C2orf49: variants seen among roughly 807,000 people sequenced by gnomAD.
C2orf49 encodes the protein tRNA splicing ligase complex subunit 2, also known as tRNA-splicing ligase complex subunit ASW.
Under a neutral mutation model 20.6 loss-of-function variants are expected in C2orf49, and 11 were observed. The observed-to-expected ratio is 0.53, with a 90% CI of 0.34 to 0.88. C2orf49 has a LOEUF of 0.88. Among genes scored for constraint, C2orf49 ranks in the 40% least tolerant of loss-of-function variants. The probability of loss-of-function intolerance (pLI) is 0.02; values close to 1 mark genes in which losing one functional copy is unlikely to be tolerated. For missense variants in C2orf49, 289 were observed against 274.2 expected, an observed-to-expected ratio of 1.05 and a Z score of -0.38; for synonymous variants, 134 against 108.5, an observed-to-expected ratio of 1.24 and a Z score of -1.46.
chr2:105,385,228 C>T, the C2orf49 span, among the ~76,000 whole-genome samples: 2 of 152,174 alleles, frequency 1.3e-5, no homozygotes, highest in Non-Finnish European at 2.9e-5. Flanking sequence ...TCTTTCGCTA[C>T]AAGATGGAAA....
At chr2:105,337,721 G>GGGGGGCC in intron 1 of C2orf49, 35 bp downstream of exon 1, 2 of 26,800 alleles carry the variant, frequency 7.5e-5, no homozygotes, top group Non-Finnish European at 6.6e-5. Context: ...GGGCGGGTGG[G>GGGGGGCC]CCTTCCCAGG....
the C2orf49 span, among the ~76,000 whole-genome samples, chr2:105,355,127 A>G: frequency 6.6e-6 from 1 of 152,248 alleles, no homozygotes; most frequent in Admixed American, 6.5e-5. Context: ...TATGACCTCA[A>G]AAAACACCAC....
At chr2:105,337,776 C>G (rs1181061311) in intron 1 of C2orf49, 90 bp downstream of exon 1, 1 of 1,173,834 alleles carries the variant, frequency 8.5e-7, no homozygotes, top group South Asian at 1.5e-5. Flanking sequence ...CCTCGGCAAC[C>G]ACGGACACTC....
In C2orf49 at chr2:105,343,159, C is replaced by G. The variant is rs145174989; in HGVS notation, c.578C>G (p.Ser193Cys). ...GGCCCTGTGAAGTCGCCACCATTGT[C>G]CCCTGTTGGAACTACTCCAGTGAAG... ...PSGPVKSPPL[S>C]PVGTTPVKLK... Residue 193 changes from serine (S) to cysteine (C), a missense_variant, in exon 3 of 4, where the codon TCC (serine) becomes TGC (cysteine). Physicochemically the swap from Ser to Cys is moderately radical, Grantham distance 112. Coordinates refer to ENST00000258457, the MANE Select transcript of C2orf49 (RefSeq NM_024093.3). The G allele has an allele frequency of 6.2e-7, 1 of 1,613,852 alleles. No individual in the cohort carries two copies. Among genetic ancestry groups the G allele is most frequent in the Non-Finnish European group, 8.5e-7 (1 of 1,179,976 alleles).
At chr2:105,377,103 G>A in the C2orf49 span, among the ~76,000 whole-genome samples, 16 of 152,308 alleles carry the variant, frequency 1.1e-4, no homozygotes, top group South Asian at 6.2e-4. Flanking sequence ...AGACCTTGGC[G>A]ATGATCTTGA....
At chr2:105,356,428 A>C in the C2orf49 span, among the ~76,000 whole-genome samples, 1 of 152,076 alleles carries the variant, frequency 6.6e-6, no homozygotes, top group African/African-American at 2.4e-5. Context: ...ACACACACAC[A>C]GCCAGGCATG....
chr2:105,362,784 A>G, the C2orf49 span, among the ~76,000 whole-genome samples: 46 of 152,292 alleles, frequency 3.0e-4, no homozygotes, highest in African/African-American at 1.1e-3. Flanking sequence ...TTGGGCTCTC[A>G]CTTAGCTGAA....
chr2:105,361,038 C>T, the C2orf49 span: 7 of 385,072 alleles, frequency 1.8e-5, 1 homozygote, highest in South Asian at 4.1e-4. Flanking sequence ...TTGGGTGTGC[C>T]TTACTCGATT....
chr2:105,350,394 T>C (rs1019817588), downstream of C2orf49, among the ~76,000 whole-genome samples: 6 of 152,224 alleles, frequency 3.9e-5, no homozygotes, highest in Non-Finnish European at 7.3e-5. Context: ...AGATGATGTA[T>C]GAATGTAGGA....
downstream of C2orf49, among the ~76,000 whole-genome samples, chr2:105,352,115 C>T (rs995007213): frequency 6.6e-5 from 10 of 152,174 alleles, no homozygotes; most frequent in African/African-American, 2.4e-4. Context: ...AATTGTTAGC[C>T]TCTACCCATG....
At chr2:105,371,734 A>G in the C2orf49 span, among the ~76,000 whole-genome samples, 3 of 152,184 alleles carry the variant, frequency 2.0e-5, no homozygotes, top group African/African-American at 7.2e-5. Flanking sequence ...AAGTCTTTAA[A>G]CAGCCCCTAG....
chr2:105,373,295 G>T, the C2orf49 span, among the ~76,000 whole-genome samples: 3 of 152,138 alleles, frequency 2.0e-5, no homozygotes, highest in Non-Finnish European at 4.4e-5. Context: ...TTTTTAAGGG[G>T]GATACCCACC....
At chr2:105,373,448 A>G in the C2orf49 span, 5 of 1,167,096 alleles carry the variant, frequency 4.3e-6, no homozygotes, top group African/African-American at 4.5e-5. Flanking sequence ...GTCAAACTGG[A>G]AAGTCAACAC....
At chr2:105,383,870 T>G in the C2orf49 span, among the ~76,000 whole-genome samples, 1 of 152,272 alleles carries the variant, frequency 6.6e-6, no homozygotes, top group Non-Finnish European at 1.5e-5. Flanking sequence ...TGTCTCTTTT[T>G]GTTCCAAAAT....
At chr2:105,384,435 C>T in the C2orf49 span, among the ~76,000 whole-genome samples, 3 of 152,116 alleles carry the variant, frequency 2.0e-5, no homozygotes, top group Non-Finnish European at 4.4e-5. Context: ...TAGAAGAGTA[C>T]GAGTGCGAGT....
intron 2 of C2orf49, among the ~76,000 whole-genome samples, chr2:105,341,192 T>A (rs1679656873): frequency 6.6e-6 from 1 of 152,230 alleles, no homozygotes; most frequent in Non-Finnish European, 1.5e-5. Flanking sequence ...TCAGCCAGTA[T>A]TTTCCTCTTG....
chr2:105,357,052 A>G, the C2orf49 span, among the ~76,000 whole-genome samples: 4 of 152,220 alleles, frequency 2.6e-5, no homozygotes, highest in African/African-American at 9.6e-5. Context: ...GACTCAAGCA[A>G]TTCTCTCACC....
chr2:105,382,440 C>T, the C2orf49 span, among the ~76,000 whole-genome samples: 5 of 152,240 alleles, frequency 3.3e-5, no homozygotes, highest in African/African-American at 9.6e-5. Flanking sequence ...AATTGTACCT[C>T]GGATACTTCC....
At chr2:105,357,552 A>G in the C2orf49 span, among the ~76,000 whole-genome samples, 1 of 152,196 alleles carries the variant, frequency 6.6e-6, no homozygotes. Context: ...TTTGCATATA[A>G]CCTATTCACA....
Sources: allele counts gnomAD v4.1 joint callset (sites outside exome capture counted in the v4.1 genomes callset), GRCh38; gene constraint gnomAD v4.1.1; transcripts MANE v1.5; gene names NCBI Gene and HGNC (gene_info 2026-07-23, HGNC 2026-07-21).